Variants in OLA1 observed in about 807,000 individuals in gnomAD.
The protein encoded by OLA1 is Obg like ATPase 1.
A neutral mutation model predicts 48.4 loss-of-function variants in OLA1; 14 were observed. That is an observed-to-expected ratio of 0.29 (90% CI 0.19 to 0.45). The LOEUF (loss-of-function observed/expected upper bound fraction) is 0.45, where lower values mean the gene tolerates loss of function less well. Among genes scored for constraint, OLA1 ranks in the 20% least tolerant of loss-of-function variants. The pLI is 1.00. For synonymous variants in OLA1, 127 were observed against 150.4 expected, an observed-to-expected ratio of 0.84 and a Z score of 1.14; for missense variants, 325 against 467.1, an observed-to-expected ratio of 0.70 and a Z score of 2.80.
chr2:174,088,499 C>A (rs1270736473), intron 7 of OLA1, among the ~76,000 whole-genome samples: 1 of 152,136 alleles, frequency 6.6e-6, no homozygotes, highest in Non-Finnish European at 1.5e-5. Flanking sequence ...AAATAATATT[C>A]TTTCAAAGTC....
intron 2 of OLA1, among the ~76,000 whole-genome samples, chr2:174,239,073 C>T (rs1688932683): frequency 2.0e-5 from 3 of 152,058 alleles, no homozygotes; most frequent in Admixed American, 2.0e-4. Context: ...GGATTTTACA[C>T]AATAGAAGTT....
intron 4 of OLA1, among the ~76,000 whole-genome samples, chr2:174,180,080 A>G (rs1268917529): frequency 6.6e-6 from 1 of 152,156 alleles, no homozygotes; most frequent in African/African-American, 2.4e-5. Context: ...TTTATAACAT[A>G]TAATCAAGCA....
chr2:174,099,771 T>C (rs1166261391), intron 7 of OLA1, among the ~76,000 whole-genome samples: 1 of 152,246 alleles, frequency 6.6e-6, no homozygotes, highest in Non-Finnish European at 1.5e-5. Context: ...TTAAGATTTC[T>C]GCTCTTAGTA....
At chr2:174,223,184 T>C in intron 3 of OLA1, 24 bp from the exon 4 acceptor site, 1 of 1,609,692 alleles carries the variant, frequency 6.2e-7, no homozygotes, top group Non-Finnish European at 8.5e-7. Flanking sequence ...GATGGCTTTA[T>C]TATAAAACAG....
At chr2:174,142,833 T>G (rs1686489376) in intron 4 of OLA1, among the ~76,000 whole-genome samples, 1 of 152,118 alleles carries the variant, frequency 6.6e-6, no homozygotes, top group South Asian at 2.1e-4. Context: ...GAACAAATAC[T>G]AAGAAATATT....
At chr2:174,099,410 T>C (rs1330810861) in intron 7 of OLA1, among the ~76,000 whole-genome samples, 1 of 152,174 alleles carries the variant, frequency 6.6e-6, no homozygotes, top group Admixed American at 6.5e-5. Flanking sequence ...CGCCTTGGCC[T>C]CCTGAAGTGC....
At chr2:174,233,431 T>C (rs967240429) in intron 2 of OLA1, among the ~76,000 whole-genome samples, 7 of 152,236 alleles carry the variant, frequency 4.6e-5, no homozygotes, top group African/African-American at 9.6e-5. Context: ...TAGAGTGCAG[T>C]GTCACGATCT....
At chr2:174,198,203 C>T (rs1343926419) in intron 4 of OLA1, among the ~76,000 whole-genome samples, 4 of 152,044 alleles carry the variant, frequency 2.6e-5, no homozygotes, top group Admixed American at 6.5e-5. Flanking sequence ...CCTTGTGATC[C>T]GCCTGCCTTG....
At chr2:174,115,992 T>C (rs1390501043) in intron 7 of OLA1, among the ~76,000 whole-genome samples, 1 of 152,210 alleles carries the variant, frequency 6.6e-6, no homozygotes, top group Non-Finnish European at 1.5e-5. Flanking sequence ...TAATTCTTAA[T>C]AATTATTTGC....
chr2:174,149,785 C>G (rs1384338585), intron 4 of OLA1, among the ~76,000 whole-genome samples: 1 of 152,166 alleles, frequency 6.6e-6, no homozygotes, highest in Non-Finnish European at 1.5e-5. Context: ...TGCTCATTCA[C>G]TCAAGGCCTG....
chr2:174,135,774 T>A (rs1333918682), intron 5 of OLA1, among the ~76,000 whole-genome samples: 1 of 152,120 alleles, frequency 6.6e-6, no homozygotes, highest in African/African-American at 2.4e-5. Context: ...AAGAGGTAAA[T>A]GTGAAGATAA....
intron 2 of OLA1, 117 bp from the exon 3 acceptor site, chr2:174,229,568 A>G (rs1332925194): frequency 2.8e-6 from 2 of 704,262 alleles, no homozygotes; most frequent in South Asian, 2.0e-5. Context: ...CAATCTACAA[A>G]GAGAGGGAAA....
chr2:174,243,837 C>T (rs1689064593), intron 2 of OLA1, among the ~76,000 whole-genome samples: 1 of 152,188 alleles, frequency 6.6e-6, no homozygotes, highest in Admixed American at 6.5e-5. Context: ...TCCTATTCAC[C>T]CAGCTAAAAA....
chr2:174,234,261 G>T (rs1216569212), intron 2 of OLA1, among the ~76,000 whole-genome samples: 1 of 152,060 alleles, frequency 6.6e-6, no homozygotes, highest in Non-Finnish European at 1.5e-5. Flanking sequence ...TTAGTTTATT[G>T]TAAGAATATA....
intron 4 of OLA1, among the ~76,000 whole-genome samples, chr2:174,169,023 A>G (rs1687236334): frequency 2.0e-5 from 3 of 151,960 alleles, no homozygotes; most frequent in Non-Finnish European, 4.4e-5. Flanking sequence ...CAATGGCGCA[A>G]TCTCAGCTCA....
At chr2:174,126,233 G>A (rs1361259976) in intron 5 of OLA1, among the ~76,000 whole-genome samples, 1 of 151,842 alleles carries the variant, frequency 6.6e-6, no homozygotes, top group East Asian at 1.9e-4. Flanking sequence ...ATACTTATTG[G>A]TTGATTGAAT....
chr2:174,246,629 T>C (rs1689132361), intron 2 of OLA1, 86 bp downstream of exon 2: 1 of 864,694 alleles, frequency 1.2e-6, no homozygotes, highest in African/African-American at 1.7e-5. Context: ...CAACTTAAAG[T>C]TTAATTACCT....
rs189209445 is a variant in OLA1, at chr2:174,229,291, C to T, written c.245+17G>A. Reference sequence around the variant, plus strand: ...CTACACAAAATCACCAAATAAATAGCATAAAATATCTCTTACCTTGCTGGT... The same window carrying T: ...CTACACAAAATCACCAAATAAATAGTATAAAATATCTCTTACCTTGCTGGT... On this transcript the variant is annotated intron_variant, in intron 3 of 10. Transcript: ENST00000284719. The T allele has an allele frequency of 2.0e-5, 32 of 1,609,762 alleles. No homozygotes were observed. Among genetic ancestry groups the T allele is most frequent in the Admixed American group, 1.7e-4 (10 of 59,702 alleles).
At chr2:174,223,984 CT>C (rs1195366549) in intron 3 of OLA1, among the ~76,000 whole-genome samples, 1 of 152,088 alleles carries the variant, frequency 6.6e-6, no homozygotes, top group African/African-American at 2.4e-5. Context: ...ATAAAAGCTA[CT>C]TTTAATGTCA....
Sources: allele counts gnomAD v4.1 joint callset (sites outside exome capture counted in the v4.1 genomes callset), GRCh38; gene constraint gnomAD v4.1.1; transcripts MANE v1.5; gene names NCBI Gene and HGNC (gene_info 2026-07-23, HGNC 2026-07-21).